The following CATSPERT variants were observed in gnomAD, a reference collection of about 807,000 sequenced individuals.
CATSPERT encodes cation channel sperm-associated targeting subunit tau.
chr2:201,535,608 C>T, the CATSPERT span: 1 of 1,083,304 alleles, frequency 9.2e-7, no homozygotes, highest in Non-Finnish European at 1.1e-6. Flanking sequence ...AATTACTAAC[C>T]CAAGAGATTA....
the CATSPERT span, among the ~76,000 whole-genome samples, chr2:201,523,317 G>A: frequency 4.6e-5 from 7 of 152,316 alleles, no homozygotes; most frequent in South Asian, 1.2e-3. Context: ...AGGGGCCAGA[G>A]AACAAAGCAG....
the CATSPERT span, among the ~76,000 whole-genome samples, chr2:201,571,280 A>G: frequency 6.6e-6 from 1 of 152,204 alleles, no homozygotes; most frequent in South Asian, 2.1e-4. Context: ...GAAAATAAGC[A>G]CTTCAGAGCA....
chr2:201,565,687 A>C, the CATSPERT span: 1 of 1,495,426 alleles, frequency 6.7e-7, no homozygotes, highest in Non-Finnish European at 8.9e-7. Context: ...CTAAGATGAA[A>C]ATTTTGAGCT....
the CATSPERT span, chr2:201,582,002 C>G: frequency 6.9e-7 from 1 of 1,449,016 alleles, no homozygotes; most frequent in Non-Finnish European, 9.3e-7. Context: ...AGATAATAAA[C>G]AAAAAAAGCC....
At chr2:201,507,034 C>A in the CATSPERT span, among the ~76,000 whole-genome samples, 1 of 151,930 alleles carries the variant, frequency 6.6e-6, no homozygotes, top group African/African-American at 2.4e-5. Flanking sequence ...AATAGTTTAG[C>A]CAAGATTAGA....
chr2:201,507,610 A>G, the CATSPERT span, among the ~76,000 whole-genome samples: 1 of 152,234 alleles, frequency 6.6e-6, no homozygotes, highest in African/African-American at 2.4e-5. Context: ...AAATAGGCAA[A>G]ATTAATGGAA....
chr2:201,559,722 GA>G, the CATSPERT span, among the ~76,000 whole-genome samples: 1 of 152,178 alleles, frequency 6.6e-6, no homozygotes, highest in Non-Finnish European at 1.5e-5. Flanking sequence ...GATCCACCTA[GA>G]ACCGGGCCAA....
At chr2:201,528,663 A>T in the CATSPERT span, among the ~76,000 whole-genome samples, 1 of 152,232 alleles carries the variant, frequency 6.6e-6, no homozygotes, top group South Asian at 2.1e-4. Flanking sequence ...GCAGGAATAG[A>T]AAACGAAATA....
the CATSPERT span, among the ~76,000 whole-genome samples, chr2:201,520,430 T>C: frequency 6.6e-6 from 1 of 152,114 alleles, no homozygotes; most frequent in African/African-American, 2.4e-5. Flanking sequence ...ACAAAACAAG[T>C]CTCAAAAAAT....
At chr2:201,586,050 C>A in the CATSPERT span, among the ~76,000 whole-genome samples, 2 of 152,164 alleles carry the variant, frequency 1.3e-5, no homozygotes, top group African/African-American at 4.8e-5. Flanking sequence ...GAATGAAGAC[C>A]TTTATGATGA....
chr2:201,490,816 C>T, the CATSPERT span, among the ~76,000 whole-genome samples: 351 of 152,240 alleles, frequency 2.3e-3, 1 homozygote, highest in African/African-American at 7.9e-3. Context: ...CTCCGCCTCC[C>T]GGGTTCATGC....
chr2:201,502,173 CA>C, the CATSPERT span, among the ~76,000 whole-genome samples: 1 of 152,080 alleles, frequency 6.6e-6, no homozygotes, highest in Non-Finnish European at 1.5e-5. Context: ...ATACAAACTC[CA>C]AAAAACGTTT....
At chr2:201,600,104 A>G in the CATSPERT span, among the ~76,000 whole-genome samples, 1 of 134,810 alleles carries the variant, frequency 7.4e-6, no homozygotes, top group Non-Finnish European at 1.6e-5. Flanking sequence ...CCAAAGGATT[A>G]TAAATCATGC....
At chr2:201,599,252 A>G in the CATSPERT span, among the ~76,000 whole-genome samples, 1 of 151,942 alleles carries the variant, frequency 6.6e-6, no homozygotes, top group Non-Finnish European at 1.5e-5. Flanking sequence ...ATTCCACCCC[A>G]CTCACCCCCT....
the CATSPERT span, among the ~76,000 whole-genome samples, chr2:201,501,248 A>G: frequency 6.6e-6 from 1 of 151,792 alleles, no homozygotes; most frequent in Non-Finnish European, 1.5e-5. Context: ...AAAATACAAA[A>G]TTAGCTGGGC....
At chr2:201,554,512 C>T in the CATSPERT span, 1 of 152,120 alleles carries the variant, frequency 6.6e-6, no homozygotes, top group South Asian at 2.1e-4. Context: ...TCCTCTTAAG[C>T]CAATTTAGTA....
At chr2:201,585,195 G>A in the CATSPERT span, among the ~76,000 whole-genome samples, 5 of 151,924 alleles carry the variant, frequency 3.3e-5, no homozygotes, top group Non-Finnish European at 7.4e-5. Context: ...AGAACACATG[G>A]ACACAGGGGA....
the CATSPERT span, among the ~76,000 whole-genome samples, chr2:201,512,444 C>T: frequency 6.6e-6 from 1 of 152,082 alleles, no homozygotes. Context: ...TTCCTTCCTG[C>T]CCCCATCCCC....
the CATSPERT span, among the ~76,000 whole-genome samples, chr2:201,498,013 T>G: frequency 6.6e-6 from 1 of 152,112 alleles, no homozygotes; most frequent in African/African-American, 2.4e-5. Flanking sequence ...ACCATAACCT[T>G]AAACAATAGT....
Sources: allele counts gnomAD v4.1 joint callset (sites outside exome capture counted in the v4.1 genomes callset), GRCh38; gene constraint gnomAD v4.1.1; transcripts MANE v1.5; gene names NCBI Gene and HGNC (gene_info 2026-07-23, HGNC 2026-07-21).